PDLIM1: variants seen among roughly 807,000 people sequenced by gnomAD.
PDLIM1 encodes PDZ and LIM domain protein 1.
PDLIM1 carries 25 observed loss-of-function variants against 35.2 expected under a neutral mutation model. The observed-to-expected ratio is 0.71, with a 90% CI of 0.52 to 0.99. The LOEUF is 0.99. Ranked by LOEUF, PDLIM1 falls within the 50% of genes least tolerant of loss-of-function variation. The pLI, the probability that PDLIM1 is intolerant of heterozygous loss-of-function variation, is 0.00. For synonymous variants in PDLIM1, 152 were observed against 154.0 expected (o/e 0.99, Z 0.10); for missense variants, 363 against 415.3 (o/e 0.87, Z 1.09).
chr10:95,267,963 T>C (rs949296068), intron 3 of PDLIM1, among the ~76,000 whole-genome samples: 2 of 152,238 alleles, frequency 1.3e-5, no homozygotes, highest in Non-Finnish European at 1.5e-5. Context: ...AACAGACACA[T>C]ACTTTGAGAC....
intron 1 of PDLIM1, among the ~76,000 whole-genome samples, chr10:95,281,199 T>C (rs111841486): frequency 1.3e-5 from 2 of 152,074 alleles, no homozygotes; most frequent in Admixed American, 6.5e-5. Flanking sequence ...GCAGAACTTA[T>C]ACTCCTATAA....
chr10:95,260,018 T>G (rs1022817491), intron 4 of PDLIM1, among the ~76,000 whole-genome samples: 3 of 152,234 alleles, frequency 2.0e-5, no homozygotes, highest in African/African-American at 2.4e-5. Context: ...TCTATGTGCT[T>G]CCACACTTCT....
At chr10:95,281,500 G>A (rs1189961944) in intron 1 of PDLIM1, among the ~76,000 whole-genome samples, 1 of 152,178 alleles carries the variant, frequency 6.6e-6, no homozygotes, top group Non-Finnish European at 1.5e-5. Flanking sequence ...GGAGGAAGTG[G>A]AGGCTGCAGT....
chr10:95,251,174 C>T (rs2035264680), intron 4 of PDLIM1, among the ~76,000 whole-genome samples: 1 of 151,590 alleles, frequency 6.6e-6, no homozygotes, highest in Non-Finnish European at 1.5e-5. Flanking sequence ...GCACAGCAAC[C>T]CTGGGATGAA....
At chr10:95,280,873 G>A (rs1471728908) in intron 1 of PDLIM1, among the ~76,000 whole-genome samples, 1 of 152,158 alleles carries the variant, frequency 6.6e-6, no homozygotes, top group African/African-American at 2.4e-5. Flanking sequence ...TGTGATATTT[G>A]CAAGGATGAG....
intron 3 of PDLIM1, among the ~76,000 whole-genome samples, chr10:95,268,335 G>A (rs766336117): frequency 6.6e-6 from 1 of 152,100 alleles, no homozygotes; most frequent in Non-Finnish European, 1.5e-5. Flanking sequence ...ACCAGACAGG[G>A]GCATACAGTG....
chr10:95,265,593 CAAAAAAAAAAA>C lies in PDLIM1; in HGVS notation c.334-1541_334-1531del, dbSNP rs56893525. ...CTGGGCAACGAGAGTGGAACTCTGT[CAAAAAAAAAAA>C]AAAAAAAAAAAAAAAAGATTTCTCT... is the stretch of plus-strand genomic sequence containing the variant. On this transcript the variant is annotated intron_variant, in intron 3 of 6. Transcript: ENST00000329399. Among the ~76,000 whole-genome samples, 11 of 83,980 alleles carry C rather than the reference CAAAAAAAAAAA, an allele frequency of 1.3e-4. 1 individual carries two copies. Among genetic ancestry groups the C allele is most frequent in the East Asian group, 6.8e-4 (1 of 1,474 alleles). 55.1% of individuals were successfully genotyped at this position (83,980 alleles called of 152,430 possible). A position where few individuals can be genotyped will look rare whatever the true frequency, so the allele number is the denominator to read the frequency against.
At chr10:95,286,434 T>G (rs2035602768) in intron 1 of PDLIM1, among the ~76,000 whole-genome samples, 1 of 152,204 alleles carries the variant, frequency 6.6e-6, no homozygotes, top group South Asian at 2.1e-4. Flanking sequence ...TATTTTATCT[T>G]TACAGGGAAT....
At chr10:95,241,983 C>T (rs1406214766) in intron 5 of PDLIM1, among the ~76,000 whole-genome samples, 1 of 152,194 alleles carries the variant, frequency 6.6e-6, no homozygotes, top group Admixed American at 6.5e-5. Flanking sequence ...AGCCTGAACT[C>T]TCAATAGCCC....
intron 4 of PDLIM1, among the ~76,000 whole-genome samples, chr10:95,263,200 G>A (rs1445632741): frequency 6.7e-6 from 1 of 149,130 alleles, no homozygotes; most frequent in Non-Finnish European, 1.5e-5. Flanking sequence ...TGTGACAGAA[G>A]AGGACATGCC....
intron 1 of PDLIM1, among the ~76,000 whole-genome samples, chr10:95,281,794 TAG>T (rs2035563641): frequency 6.6e-6 from 1 of 152,152 alleles, no homozygotes; most frequent in African/African-American, 2.4e-5. Context: ...GTCCAACCAG[TAG>T]AAGTATAATA....
intron 1 of PDLIM1, among the ~76,000 whole-genome samples, chr10:95,281,654 A>G (rs961662298): frequency 1.3e-5 from 2 of 152,160 alleles, no homozygotes; most frequent in Admixed American, 6.6e-5. Flanking sequence ...TGCATAAGTA[A>G]TTTTGTTGTT....
At chr10:95,279,955 A>G (rs547024660) in intron 1 of PDLIM1, among the ~76,000 whole-genome samples, 6 of 152,324 alleles carry the variant, frequency 3.9e-5, no homozygotes, top group Admixed American at 6.5e-5. Context: ...GGCAACATAA[A>G]CCCAATGCCA....
chr10:95,283,979 CTCTG>C, intron 1 of PDLIM1, among the ~76,000 whole-genome samples: 1 of 97,194 alleles, frequency 1.0e-5, no homozygotes, highest in Non-Finnish European at 2.1e-5. Flanking sequence ...TGGCCTTTTT[CTCTG>C]TGTGTGTGTG....
At chr10:95,240,518 C>T (rs967601099) in intron 5 of PDLIM1, among the ~76,000 whole-genome samples, 1 of 152,116 alleles carries the variant, frequency 6.6e-6, no homozygotes, top group Non-Finnish European at 1.5e-5. Flanking sequence ...GGAAGGAGAA[C>T]ATCTGGAAGA....
intron 1 of PDLIM1, among the ~76,000 whole-genome samples, chr10:95,289,862 T>C (rs2035636470): frequency 1.3e-5 from 2 of 152,254 alleles, no homozygotes; most frequent in Non-Finnish European, 2.9e-5. Context: ...TCGAGGTACT[T>C]ACTGAGTCTC....
chr10:95,281,942 C>T (rs1320206228), intron 1 of PDLIM1, among the ~76,000 whole-genome samples: 4 of 152,252 alleles, frequency 2.6e-5, no homozygotes, highest in Admixed American at 2.0e-4. Flanking sequence ...TTTCCTCTTC[C>T]ATGTTCCAAT....
At chr10:95,268,155 T>C (rs2035430942) in intron 3 of PDLIM1, among the ~76,000 whole-genome samples, 2 of 152,224 alleles carry the variant, frequency 1.3e-5, no homozygotes, top group African/African-American at 4.8e-5. Context: ...TTCACAAATA[T>C]GGGATCTTAG....
chr10:95,255,054 T>A (rs558673454), intron 4 of PDLIM1, among the ~76,000 whole-genome samples: 1 of 151,590 alleles, frequency 6.6e-6, no homozygotes, highest in Non-Finnish European at 1.5e-5. Flanking sequence ...ATAGATAAAT[T>A]CCCAAAAACA....
Sources: allele counts gnomAD v4.1 joint callset (sites outside exome capture counted in the v4.1 genomes callset), GRCh38; gene constraint gnomAD v4.1.1; transcripts MANE v1.5; gene names NCBI Gene and HGNC (gene_info 2026-07-23, HGNC 2026-07-21).